RYR2: variants seen among roughly 807,000 people sequenced by gnomAD.
RYR2 encodes ryanodine receptor 2, also known as cardiac muscle ryanodine receptor-calcium release channel.
Under a neutral mutation model 601.1 loss-of-function variants are expected in RYR2, and 227 were observed. The ratio of observed to expected loss-of-function variants is 0.38; its 90% CI spans 0.34 to 0.42. The LOEUF is 0.42. Among genes scored for constraint, RYR2 ranks in the 10% least tolerant of loss-of-function variants. The pLI is 1.00. For synonymous variants in RYR2, 2,223 were observed against 2,175.1 expected, an observed-to-expected ratio of 1.02 and a Z score of -0.61; for missense variants, 4,646 against 6,156.5, an observed-to-expected ratio of 0.75 and a Z score of 8.21.
Position 237,050,472 on chromosome 1 carries a change from TGAAG to T in RYR2, c.48+7911_48+7914del, listed in dbSNP as rs752346978. 2.0e-5 allele frequency among the ~76,000 whole-genome samples: 3 copies of T among 152,328 alleles called. No homozygotes were observed. The South Asian group carries it at 6.2e-4, about 32-fold the overall frequency. Reference sequence around the variant, plus strand: ...CACAGGCCCACACATCTCATCACCATGAAGGAAGGAACAATTCAATGTGGCCAAT... The same window carrying T: ...CACAGGCCCACACATCTCATCACCATGAAGGAACAATTCAATGTGGCCAAT... On this transcript the variant is annotated intron_variant, in intron 1 of 104. Coordinates refer to ENST00000366574, the MANE Select transcript of RYR2 (RefSeq NM_001035.3).
intron 8 of RYR2, among the ~76,000 whole-genome samples, chr1:237,385,360 A>G (rs1182763699): frequency 1.3e-5 from 2 of 152,206 alleles, no homozygotes; most frequent in Non-Finnish European, 2.9e-5. Flanking sequence ...GGTGATAGAT[A>G]TCTCAATTAC....
In RYR2 at chr1:237,513,250, A is replaced by G. The variant is rs540762709; in HGVS notation, c.2822+1459A>G. Among the ~76,000 whole-genome samples the G allele has an allele frequency of 2.3e-4, 35 of 152,282 alleles. 1 individual carries two copies. The highest frequency in any genetic ancestry group is 1.6e-3 in the Admixed American group (25 of 15,310). ...TTTGATATAGAAAAGTAAAGAGAAT[A>G]TTTTTGCAAAGCCAGTAACTTTACT... On this transcript the variant is annotated intron_variant, in intron 24 of 104. Coordinates refer to ENST00000366574, the MANE Select transcript of RYR2 (RefSeq NM_001035.3).
At chr1:237,754,962 A>G in intron 80 of RYR2, 1 of 560,414 alleles carries the variant, frequency 1.8e-6, no homozygotes, top group Non-Finnish European at 2.8e-6. Flanking sequence ...CTCTGCTTCC[A>G]TTTAGGCCTA....
At chr1:237,534,052 C>T (rs1668378881) in intron 25 of RYR2, among the ~76,000 whole-genome samples, 1 of 151,792 alleles carries the variant, frequency 6.6e-6, no homozygotes, top group Non-Finnish European at 1.5e-5. Context: ...AGATTGGATT[C>T]AAAAAGATAA....
intron 51 of RYR2, among the ~76,000 whole-genome samples, chr1:237,653,770 G>A (rs902787228): frequency 2.0e-5 from 3 of 152,172 alleles, no homozygotes; most frequent in African/African-American, 7.2e-5. Flanking sequence ...GTCTGTGGCC[G>A]AAGGCCCGTG....
chr1:237,286,461 G>A (rs564600023), intron 2 of RYR2, among the ~76,000 whole-genome samples: 20 of 150,962 alleles, frequency 1.3e-4, no homozygotes, highest in African/African-American at 3.9e-4. Context: ...CTTGGAGAAA[G>A]TTCCATGCGC....
intron 27 of RYR2, among the ~76,000 whole-genome samples, chr1:237,564,834 G>A (rs766567984): frequency 5.9e-5 from 9 of 152,104 alleles, no homozygotes; most frequent in Non-Finnish European, 1.3e-4. Flanking sequence ...GTTATTGATC[G>A]TTTCATTAAT....
chr1:237,392,818 T>C (rs1702494529), intron 10 of RYR2, among the ~76,000 whole-genome samples: 1 of 152,168 alleles, frequency 6.6e-6, no homozygotes, highest in African/African-American at 2.4e-5. Flanking sequence ...AAGCATTATT[T>C]ATGTTAAAAA....
intron 3 of RYR2, among the ~76,000 whole-genome samples, chr1:237,342,401 A>T (rs745515395): frequency 1.4e-5 from 2 of 145,310 alleles, no homozygotes; most frequent in Admixed American, 1.4e-4. Context: ...TGATCCTCCC[A>T]CCTTAACCTC....
chr1:237,593,188 T>C (rs1265605650), intron 32 of RYR2, among the ~76,000 whole-genome samples: 2 of 152,196 alleles, frequency 1.3e-5, no homozygotes, highest in African/African-American at 4.8e-5. Flanking sequence ...CACACATATA[T>C]GCTGACCAGC....
intron 1 of RYR2, among the ~76,000 whole-genome samples, chr1:237,075,344 C>T (rs1256419485): frequency 6.6e-6 from 1 of 150,918 alleles, no homozygotes; most frequent in Non-Finnish European, 1.5e-5. Flanking sequence ...CGGGTGATTT[C>T]TGCATTTCCA....
intron 1 of RYR2, among the ~76,000 whole-genome samples, chr1:237,105,988 G>A (rs919401433): frequency 6.6e-6 from 1 of 152,152 alleles, no homozygotes; most frequent in Non-Finnish European, 1.5e-5. Context: ...GCACCAACGT[G>A]GGAGTGTGCC....
At chr1:237,352,584 C>G (rs1177056224) in intron 3 of RYR2, among the ~76,000 whole-genome samples, 1 of 151,998 alleles carries the variant, frequency 6.6e-6, no homozygotes, top group Non-Finnish European at 1.5e-5. Flanking sequence ...TTTTAGTGTG[C>G]ATGAAAGTTG....
chr1:237,342,552 A>T (rs1697917055), intron 3 of RYR2, among the ~76,000 whole-genome samples: 1 of 152,152 alleles, frequency 6.6e-6, no homozygotes, highest in Non-Finnish European at 1.5e-5. Flanking sequence ...AAAGACCAGC[A>T]GGATCTACAT....
chr1:237,814,649 T>G (rs1479902655), intron 100 of RYR2, among the ~76,000 whole-genome samples: 1 of 151,778 alleles, frequency 6.6e-6, no homozygotes, highest in Non-Finnish European at 1.5e-5. Context: ...TACAAGAATG[T>G]AGGAGGAGAA....
intron 48 of RYR2, among the ~76,000 whole-genome samples, chr1:237,645,762 A>T (rs1293947197): frequency 1.3e-5 from 2 of 152,092 alleles, no homozygotes; most frequent in Non-Finnish European, 2.9e-5. Flanking sequence ...TATATTGTCT[A>T]CATCGGGAGT....
chr1:237,590,771 C>T lies in RYR2; in HGVS notation c.3939C>T (p.Val1313=), dbSNP rs897918125. 4 of 1,613,902 alleles carry T rather than the reference C, an allele frequency of 2.5e-6. No homozygotes were observed. Among genetic ancestry groups the T allele is most frequent in the East Asian group, 2.2e-5 (1 of 44,854 alleles). ...RLSMPIECAE[V]FSKTVAGGLP... ...GCATGCCGATCGAGTGCGCGGAGGT[C>T]TTCTCCAAGACGGTGGCTGGAGGGC... Residue 1313 remains valine, a synonymous_variant, in exon 31 of 105, where the codon GTC becomes GTT. Coordinates refer to ENST00000366574, the MANE Select transcript of RYR2 (RefSeq NM_001035.3).
intron 16 of RYR2, among the ~76,000 whole-genome samples, chr1:237,465,151 CTGAGT>C (rs1258481642): frequency 1.3e-5 from 2 of 151,752 alleles, no homozygotes; most frequent in African/African-American, 4.8e-5. Context: ...CTCTATTTTA[CTGAGT>C]TAATTTTTTT....
At chr1:237,805,163 C>T (rs72753233) in intron 98 of RYR2, among the ~76,000 whole-genome samples, 4,340 of 152,228 alleles carry the variant, frequency 0.029, 102 homozygotes, top group Admixed American at 0.059. Context: ...GGATAAATAA[C>T]AACGACAATT....
Sources: gnomAD v4.1 joint callset for allele counts (sites outside exome capture counted in the v4.1 genomes callset) on GRCh38, gnomAD v4.1.1 for gene constraint, MANE v1.5 for transcripts, NCBI Gene and HGNC (gene_info 2026-07-23, HGNC 2026-07-21) for gene names.